The following COCH variants were observed in gnomAD, a reference collection of about 807,000 sequenced individuals.
COCH encodes coagulation factor C homolog, cochlin (Limulus polyphemus).
In COCH, 40 loss-of-function variants were observed where a neutral mutation model predicts 54.8. The observed-to-expected ratio is 0.73, with a 90% CI of 0.57 to 0.95. The LOEUF is 0.95. Among genes scored for constraint, COCH ranks in the 40% least tolerant of loss-of-function variants. The probability of loss-of-function intolerance (pLI) is 0.00; values close to 1 mark genes in which losing one functional copy is unlikely to be tolerated. For synonymous variants in COCH, 256 were observed against 237.9 expected, an observed-to-expected ratio of 1.08 and a Z score of -0.70; for missense variants, 605 against 675.0, an observed-to-expected ratio of 0.90 and a Z score of 1.15.
Position 30,880,731 on chromosome 14 carries a change from C to A in COCH, c.626C>A (p.Ala209Asp). ...GGACCACATGTGGGCCTTGTTCAAG[C>A]CAGGTACCAACCTTGTTAAAATGGG... Reference protein sequence around the residue: ...TEGPHVGLVQASEHPKIEFYL... With the variant: ...TEGPHVGLVQDSEHPKIEFYL... Residue 209 changes from alanine to aspartate, a missense_variant, in exon 8 of 12, where the codon GCC becomes GAC. Coordinates refer to ENST00000396618, the MANE Select transcript of COCH (RefSeq NM_004086.3). 6.2e-7 allele frequency: 1 copy of A among 1,611,258 alleles called. No individual in the cohort carries two copies.
intron 5 of COCH, 42 bp downstream of exon 5, chr14:30,878,986 C>T: frequency 1.2e-6 from 2 of 1,610,692 alleles, no homozygotes; most frequent in South Asian, 1.1e-5. Context: ...ATTCTCCCAC[C>T]CCCCAAACGT....
Position 30,889,894 on chromosome 14 carries a change from A to G in COCH, c.*103A>G. 6.8e-7 allele frequency: 1 copy of G among 1,472,766 alleles called. No homozygotes were observed. Among genetic ancestry groups the G allele is most frequent in the Non-Finnish European group, 9.0e-7 (1 of 1,112,836 alleles). 91.2% of individuals were successfully genotyped at this position (1,472,766 alleles called of 1,614,324 possible). ...CTTTAGCATACTAGAATCAGATACA[A>G]AACTATTAAGTATGTCAACAGCCAT... On this transcript the variant is annotated 3_prime_UTR_variant, in exon 12 of 12. Coordinates refer to ENST00000396618, the MANE Select transcript of COCH (RefSeq NM_004086.3).
At chr14:30,882,131 T>G (rs867504121) in intron 8 of COCH, among the ~76,000 whole-genome samples, 4 of 117,176 alleles carry the variant, frequency 3.4e-5, no homozygotes, top group South Asian at 3.2e-4. Flanking sequence ...TTTTTTTTTT[T>G]TTTTTTTTTT....
Position 30,885,299 on chromosome 14 carries a change from A to T in COCH, c.734-95A>T, listed in dbSNP as rs1482561240. 5 of 1,142,648 alleles carry T rather than the reference A, an allele frequency of 4.4e-6. No individual in the cohort carries two copies. The East Asian group carries it at 1.2e-4, about 28-fold the overall frequency. 70.8% of individuals were successfully genotyped at this position (1,142,648 alleles called of 1,614,324 possible). On this transcript the variant is annotated intron_variant, in intron 9 of 11. Transcript: ENST00000396618. ...CGCCCCACTGCCAGTTCTATATATAATTCTTAAACTTTGCAGCATCAAATG... is the reference window on the plus strand; with the variant it reads ...CGCCCCACTGCCAGTTCTATATATATTTCTTAAACTTTGCAGCATCAAATG...
intron 9 of COCH, chr14:30,885,075 G>A: frequency 6.3e-7 from 1 of 1,578,152 alleles, no homozygotes; most frequent in East Asian, 2.2e-5. Flanking sequence ...TACATAGAGA[G>A]CACATGCATG....
downstream of COCH, among the ~76,000 whole-genome samples, chr14:30,891,590 TTTAA>T (rs1594394268): frequency 6.6e-6 from 1 of 152,202 alleles, no homozygotes; most frequent in African/African-American, 2.4e-5. Flanking sequence ...CAGGGATAAT[TTTAA>T]TTAAACATCA....
chr14:30,874,725 TCC>T, intron 1 of COCH, 134 bp downstream of exon 1: 1 of 636,394 alleles, frequency 1.6e-6, no homozygotes, highest in South Asian at 1.8e-5. Flanking sequence ...TGCACACCGA[TCC>T]TGGGCTTCGC....
chr14:30,881,683 G>A (rs1895590735), intron 8 of COCH, among the ~76,000 whole-genome samples: 1 of 152,150 alleles, frequency 6.6e-6, no homozygotes, highest in South Asian at 2.1e-4. Flanking sequence ...TGCTGGCCAG[G>A]TGCGGTGGCT....
At chr14:30,883,459 G>GA (rs561091793) in intron 8 of COCH, among the ~76,000 whole-genome samples, 56 of 152,170 alleles carry the variant, frequency 3.7e-4, no homozygotes, top group Non-Finnish European at 6.3e-4. Flanking sequence ...TCAAAGAACA[G>GA]AATATATCAA....
chr14:30,890,898 G>T (rs1017759836), downstream of COCH, among the ~76,000 whole-genome samples: 4 of 152,004 alleles, frequency 2.6e-5, no homozygotes, highest in African/African-American at 9.7e-5. Context: ...AATTAGCCGG[G>T]TGGGATGGTG....
chr14:30,892,739 G>T (rs756874442), downstream of COCH, among the ~76,000 whole-genome samples: 11 of 151,964 alleles, frequency 7.2e-5, no homozygotes, highest in Non-Finnish European at 1.6e-4. Flanking sequence ...CCTGGGAGAC[G>T]GAGGTTGCAG....
chr14:30,875,248 C>T, intron 3 of COCH, 145 bp downstream of exon 3: 1 of 1,143,846 alleles, frequency 8.7e-7, no homozygotes. Context: ...CGTGGCGCGC[C>T]CGCGTTAACC....
chr14:30,885,623 A>G lies in COCH; in HGVS notation c.960+3A>G, dbSNP rs937599616. The G allele has an allele frequency of 1.9e-6, 3 of 1,575,728 alleles. No homozygotes were observed. The highest frequency in any genetic ancestry group is 2.6e-6 in the Non-Finnish European group (3 of 1,145,208). On this transcript the variant is annotated splice_donor_region_variant and intron_variant, in intron 10 of 11. Coordinates refer to ENST00000396618, the MANE Select transcript of COCH (RefSeq NM_004086.3). ...AGGATGTCACATTTGTTGACAAGGT[A>G]AAGTGGTGAGGGTTATCTTCTGTTA...
chr14:30,889,274 G>T, intron 11 of COCH: 1 of 261,636 alleles, frequency 3.8e-6, no homozygotes, highest in Non-Finnish European at 7.4e-6. Context: ...TTTTAAAAAA[G>T]ATACTGTGGA....
chr14:30,875,592 G>A (rs891789475), intron 3 of COCH: 5 of 426,420 alleles, frequency 1.2e-5, no homozygotes, highest in Non-Finnish European at 1.6e-5. Context: ...GTTTCTAGGT[G>A]TAACCCCTAT....
intron 3 of COCH, chr14:30,875,431 C>T: frequency 1.7e-6 from 1 of 590,154 alleles, no homozygotes; most frequent in Middle Eastern, 4.5e-4. Context: ...GGAAGGAGGA[C>T]TCCTTGAGCC....
rs138805494 is a variant in COCH, at chr14:30,885,578, T to G, written c.918T>G (p.Pro306=). The G allele has an allele frequency of 6.5e-5, 104 of 1,610,816 alleles. No individual in the cohort carries two copies. Among genetic ancestry groups the G allele is most frequent in the Non-Finnish European group, 8.8e-5 (103 of 1,177,038 alleles). ...VFIVSVAKPI[P]EELGMVQDVT... is the part of the protein sequence containing the mutation. ...TAGTTTCTGTGGCCAAGCCTATCCC[T>G]GAAGAACTGGGGATGGTTCAGGATG... The change falls in exon 10 of 12, where the codon CCT becomes CCG. Residue 306 remains proline, a synonymous_variant. Transcript: ENST00000396618.
rs1566413769 is a variant in COCH, at chr14:30,886,277, A to T, written c.1442A>T (p.Asp481Val). 1 of 1,614,146 alleles carries T rather than the reference A, an allele frequency of 6.2e-7. No individual in the cohort carries two copies. Among genetic ancestry groups the T allele is most frequent in the Non-Finnish European group, 8.5e-7 (1 of 1,180,012 alleles). Residue 481 changes from aspartate (D) to valine (V), a missense_variant, in exon 11 of 12, where the codon GAT (aspartate) becomes GTT (valine). By Grantham distance (152) the Asp-to-Val change is radical. Coordinates refer to ENST00000396618, the MANE Select transcript of COCH (RefSeq NM_004086.3). ...GTCACAGATGGGCAGTCCTATGATG[A>T]TGTCCAAGGCCCTGCAGCTGCTGCA... The part of the protein sequence containing the change: ...VIVTDGQSYD[D>V]VQGPAAAAHD...
At chr14:30,894,906 T>C, downstream of COCH, 1 of 1,081,518 alleles carries the variant, frequency 9.2e-7, no homozygotes, top group Non-Finnish European at 1.2e-6. Context: ...TTTTTTTTTT[T>C]TTAAAGCAAA....
Sources: gnomAD v4.1 joint callset for allele counts (sites outside exome capture counted in the v4.1 genomes callset) on GRCh38, gnomAD v4.1.1 for gene constraint, MANE v1.5 for transcripts, NCBI Gene and HGNC (gene_info 2026-07-23, HGNC 2026-07-21) for gene names.